CACYBP: variants seen among roughly 807,000 people sequenced by gnomAD.
The protein encoded by CACYBP is calcyclin-binding protein.
Under a neutral mutation model 29.6 loss-of-function variants are expected in CACYBP, and 11 were observed. The observed-to-expected ratio is 0.37, with a 90% CI of 0.23 to 0.61. The LOEUF (loss-of-function observed/expected upper bound fraction) is 0.61. Ranked by LOEUF, CACYBP falls within the 20% of genes least tolerant of loss-of-function variation. CACYBP has a pLI of 0.65. For missense variants in CACYBP, 163 were observed against 260.7 expected, an observed-to-expected ratio of 0.63 and a Z score of 2.58; for synonymous variants, 73 against 88.3, an observed-to-expected ratio of 0.83 and a Z score of 0.97.
Position 175,006,848 on chromosome 1 carries a change from TC to T in CACYBP, c.332+8del. The T allele has an allele frequency of 6.8e-7, 1 of 1,461,324 alleles. No individual in the cohort carries two copies. Among genetic ancestry groups the T allele is most frequent in the East Asian group, 2.3e-5 (1 of 44,130 alleles). The allele number at this position is 1,461,324 out of a possible 1,614,324, so 90.5% of individuals were successfully genotyped here. A position where few individuals can be genotyped will look rare whatever the true frequency, so the allele number is the denominator to read the frequency against. On this transcript the variant is annotated splice_region_variant and intron_variant, in intron 3 of 5. Transcript: ENST00000367679. ...AGGTGCATTTCACAGAGAGGTGAGTTCTCATTATAATGGGAAAGACAGTGAA... is the reference window on the plus strand; with the variant it reads ...AGGTGCATTTCACAGAGAGGTGAGTTTCATTATAATGGGAAAGACAGTGAA...
At chr1:175,002,697 TAACAG>T (rs1296458787) in intron 1 of CACYBP, among the ~76,000 whole-genome samples, 2 of 152,168 alleles carry the variant, frequency 1.3e-5, no homozygotes, top group African/African-American at 4.8e-5. Context: ...AGTCTGCCAA[TAACAG>T]AACTGAGGAA....
At chr1:175,004,994 G>T (rs1574108708) in intron 2 of CACYBP, 161 bp downstream of exon 2, 2 of 678,722 alleles carry the variant, frequency 2.9e-6, no homozygotes, top group Non-Finnish European at 5.4e-6. Flanking sequence ...GATATAAATA[G>T]GAAAGGATGC....
rs1343030076 is a variant in CACYBP at position 175,011,165 on chromosome 1, T to C, written c.*1086T>C. The C allele has an allele frequency of 8.2e-6, 1 of 122,558 alleles. No individual in the cohort carries two copies. The highest frequency in any genetic ancestry group is 1.7e-5 in the Non-Finnish European group (1 of 58,566). 7.6% of individuals were successfully genotyped at this position (122,558 alleles called of 1,614,324 possible). A position where few individuals can be genotyped will look rare whatever the true frequency, so the allele number is the denominator to read the frequency against. On this transcript the variant is annotated 3_prime_UTR_variant, in exon 6 of 6. Transcript: ENST00000367679. ...ACAGGAAAAATCCAGAAGGGTAAAC[T>C]AAACTAAAGCTACAATTAATATGGG...
chr1:175,004,869 G>A (rs779851342), intron 2 of CACYBP, 36 bp downstream of exon 2: 8 of 1,303,164 alleles, frequency 6.1e-6, no homozygotes, highest in South Asian at 4.7e-5. Context: ...TTCTGCCTCC[G>A]AGCAACCTAT....
rs1369643326 is a variant in CACYBP at position 175,007,920 on chromosome 1, T to TGACATATAA, written c.433-689_433-688insGACATATAA. Among the ~76,000 whole-genome samples, 59 of 152,348 alleles carry TGACATATAA rather than the reference T, an allele frequency of 3.9e-4. 1 individual carries two copies. The Middle Eastern group carries it at 0.031, about 79-fold the overall frequency. On this transcript the variant is annotated intron_variant, in intron 4 of 5. Transcript: ENST00000367679. ...AATGAAGTTTAATGCGTTAGGTATA[T>TGACATATAA]AGACATGACATTCTGCCATCTGTTT...
Position 175,011,558 on chromosome 1 carries a change from CAAG to C in CACYBP, c.*1482_*1484del, listed in dbSNP as rs1193134803. The stretch of plus-strand genomic sequence containing the variant: ...TAACTACATAAAAATGTTTATAGGA[CAAG>C]AAAAACCCCACCATAACCCAAGGCA... On this transcript the variant is annotated 3_prime_UTR_variant, in exon 6 of 6. Coordinates refer to ENST00000367679, the MANE Select transcript of CACYBP (RefSeq NM_014412.3). 6.6e-6 allele frequency: 1 copy of C among 152,004 alleles called. No homozygotes were observed. Among genetic ancestry groups the C allele is most frequent in the Non-Finnish European group, 1.5e-5 (1 of 67,974 alleles). The allele number at this position is 152,004 out of a possible 1,614,324, so 9.4% of individuals were successfully genotyped here. A position where few individuals can be genotyped will look rare whatever the true frequency, so the allele number is the denominator to read the frequency against.
At chr1:175,006,646 C>T in intron 2 of CACYBP, 99 bp from the exon 3 acceptor site, 1 of 617,034 alleles carries the variant, frequency 1.6e-6, no homozygotes, top group Non-Finnish European at 2.9e-6. Context: ...ACTGGATTTT[C>T]ATAATTTTAC....
upstream of CACYBP, chr1:174,999,689 G>A (rs1383210719): frequency 4.1e-6 from 1 of 241,450 alleles, no homozygotes; most frequent in Non-Finnish European, 8.2e-6. Flanking sequence ...TCCGAAGATC[G>A]GTACGTTATT....
At chr1:174,999,769 A>C (rs536236832), upstream of CACYBP, 292 of 300,696 alleles carry the variant, frequency 9.7e-4, 5 homozygotes, top group South Asian at 4.6e-3. Context: ...GTCAAATTAT[A>C]ATACATAAAA....
At chr1:175,000,315 C>T (rs1672438427) in intron 1 of CACYBP, 120 bp downstream of exon 1, 3 of 1,488,872 alleles carry the variant, frequency 2.0e-6, no homozygotes, top group Non-Finnish European at 2.7e-6. Context: ...CCGCGCCAGT[C>T]AGTGCGCCGC....
intron 1 of CACYBP, 51 bp downstream of exon 1, chr1:175,000,246 G>A (rs974083775): frequency 4.5e-6 from 7 of 1,564,820 alleles, no homozygotes; most frequent in Non-Finnish European, 4.3e-6. Flanking sequence ...GAGCTGCAGC[G>A]CCAGCCTCCC....
chr1:175,000,331 C>G (rs1022646295), intron 1 of CACYBP, 136 bp downstream of exon 1: 2 of 1,463,336 alleles, frequency 1.4e-6, no homozygotes, highest in South Asian at 1.4e-5. Context: ...GCCGCCTTCC[C>G]GGGGGACACC....
chr1:175,001,460 C>T (rs1463825902), intron 1 of CACYBP, among the ~76,000 whole-genome samples: 1 of 152,156 alleles, frequency 6.6e-6, no homozygotes, highest in Non-Finnish European at 1.5e-5. Context: ...AGAAAGAAAC[C>T]ATGTAGTGTG....
intron 1 of CACYBP, among the ~76,000 whole-genome samples, chr1:175,003,188 G>T (rs907470087): frequency 6.6e-6 from 1 of 151,374 alleles, no homozygotes; most frequent in East Asian, 1.9e-4. Context: ...GCGCGATCTC[G>T]GGTCACTGCA....
In CACYBP at chr1:175,010,730, A is replaced by C. The variant is rs1264629613; in HGVS notation, c.*651A>C. ...GGATCAGATGGTTTATAAAAGTAAT[A>C]ACCATAAAGCAAAAAATAATTTGAA... is the stretch of plus-strand genomic sequence containing the variant. On this transcript the variant is annotated 3_prime_UTR_variant, in exon 6 of 6. Coordinates refer to ENST00000367679, the MANE Select transcript of CACYBP (RefSeq NM_014412.3). The C allele has an allele frequency of 6.6e-6, 1 of 152,334 alleles. No individual in the cohort carries two copies. The highest frequency in any genetic ancestry group is 2.1e-4 in the South Asian group (1 of 4,828). The allele number at this position is 152,334 out of a possible 1,614,324, so 9.4% of individuals were successfully genotyped here.
Position 174,999,965 on chromosome 1 carries a change from G to A in CACYBP, c.-216G>A, listed in dbSNP as rs548602563. 2.0e-5 allele frequency: 13 copies of A among 635,226 alleles called. No homozygotes were observed. In the South Asian group the frequency reaches 2.5e-4, roughly 12 times the overall value. The allele number at this position is 635,226 out of a possible 1,614,324, so 39.3% of individuals were successfully genotyped here. On this transcript the variant is annotated 5_prime_UTR_variant, in exon 1 of 6. Coordinates refer to ENST00000367679, the MANE Select transcript of CACYBP (RefSeq NM_014412.3). ...CAGGCTTGGCGGGCTGTGCGTGCTC[G>A]CGGTGGGCGGTGGCGGCGGCTGCCT... is the stretch of plus-strand genomic sequence containing the variant.
At chr1:175,004,859 T>C in intron 2 of CACYBP, 26 bp downstream of exon 2, 1 of 1,450,942 alleles carries the variant, frequency 6.9e-7, no homozygotes. Flanking sequence ...CTATAGCCAG[T>C]TCTGCCTCCG....
chr1:175,005,088 A>AT (rs1672585371), intron 2 of CACYBP: 1 of 467,942 alleles, frequency 2.1e-6, no homozygotes, highest in African/African-American at 2.0e-5. Context: ...ATTGTTCAGT[A>AT]TAAGACACAG....
chr1:175,000,647 T>C, intron 1 of CACYBP: 1 of 1,014,252 alleles, frequency 9.9e-7, no homozygotes, highest in Non-Finnish European at 1.2e-6. Context: ...AGGTTTTCTC[T>C]ACACACGAGG....
Sources: gnomAD v4.1 joint callset for allele counts (sites outside exome capture counted in the v4.1 genomes callset) on GRCh38, gnomAD v4.1.1 for gene constraint, MANE v1.5 for transcripts, NCBI Gene and HGNC (gene_info 2026-07-23, HGNC 2026-07-21) for gene names.